The following SHMT2 variants were observed in gnomAD, a reference collection of about 807,000 sequenced individuals.
The protein encoded by SHMT2 is serine hydroxymethyltransferase, mitochondrial.
SHMT2 carries 38 observed loss-of-function variants against 59.6 expected under a neutral mutation model. The ratio of observed to expected loss-of-function variants is 0.64; its 90% CI spans 0.49 to 0.84. The LOEUF (loss-of-function observed/expected upper bound fraction) is 0.84. Ranked by LOEUF, SHMT2 falls within the 40% of genes least tolerant of loss-of-function variation. SHMT2 has a pLI of 0.00. For missense variants in SHMT2, 533 were observed against 659.5 expected, an observed-to-expected ratio of 0.81 and a Z score of 2.10; for synonymous variants, 254 against 258.1, an observed-to-expected ratio of 0.98 and a Z score of 0.15.
Position 57,231,501 on chromosome 12 carries a change from G to A in SHMT2, c.252G>A (p.Ala84=). ...IASENFCSRA[A]LEALGSCLNN... ...CCCAGAACTTCTGCAGCCGAGCTGC[G>A]CTGGAGGCCCTGGGGTCCTGTCTGA... Residue 84 remains alanine, a synonymous_variant, in exon 3 of 12, where the codon GCG becomes GCA. Coordinates refer to ENST00000328923, the MANE Select transcript of SHMT2 (RefSeq NM_005412.6). 1.9e-6 allele frequency: 3 copies of A among 1,614,200 alleles called. No homozygotes were observed. Among genetic ancestry groups the A allele is most frequent in the South Asian group, 1.1e-5 (1 of 91,082 alleles).
intron 4 of SHMT2, 85 bp from the exon 5 acceptor site, chr12:57,232,126 G>C: frequency 7.7e-7 from 1 of 1,305,572 alleles, no homozygotes; most frequent in Non-Finnish European, 1.1e-6. Context: ...TGGTGTTCTG[G>C]GGACAGAGAA....
Position 57,230,950 on chromosome 12 carries a change from C to T in SHMT2, c.181C>T (p.Gln61Ter), listed in dbSNP as rs1329038936. 1 of 1,613,898 alleles carries T rather than the reference C, an allele frequency of 6.2e-7. No individual in the cohort carries two copies. Among genetic ancestry groups the T allele is most frequent in the Non-Finnish European group, 8.5e-7 (1 of 1,180,008 alleles). ...TGATCCTGAGATGTGGGAGTTGCTG[C>T]AGAGGGAGAAGGACAGGCAGTGTCG... The part of the protein sequence containing the change: ...DSDPEMWELL[Q>*]REKDRQCRGL... Residue 61 changes from glutamine to a stop codon, truncating the protein, a stop_gained, in exon 2 of 12, where the codon CAG (glutamine) becomes TAG (stop). Transcript: ENST00000328923. LOFTEE classifies it high-confidence loss of function.
At chr12:57,231,077 CT>C in intron 2 of SHMT2, 77 bp downstream of exon 2, 1 of 1,398,662 alleles carries the variant, frequency 7.1e-7, no homozygotes, top group Non-Finnish European at 1.0e-6. Context: ...ACTGATATTT[CT>C]CCAAAACCCC....
rs2136783186 is a variant in SHMT2, at chr12:57,230,333, C to T, written c.34-470C>T. On this transcript the variant is annotated intron_variant, in intron 1 of 11. Coordinates refer to ENST00000328923, the MANE Select transcript of SHMT2 (RefSeq NM_005412.6). ...CTCCCACACAGCTCTTCCTCACGGA[C>T]TGCTAAAGGTCTCCCCTCCCACCTG... is the stretch of plus-strand genomic sequence containing the variant. 3 of 1,138,500 alleles carry T rather than the reference C, an allele frequency of 2.6e-6. 1 individual carries two copies. The highest frequency in any genetic ancestry group is 6.4e-4 in the Middle Eastern group (2 of 3,136). The allele number at this position is 1,138,500 out of a possible 1,614,324, so 70.5% of individuals were successfully genotyped here. A position where few individuals can be genotyped will look rare whatever the true frequency, so the allele number is the denominator to read the frequency against.
In SHMT2 at chr12:57,230,850, G is replaced by T. The variant is rs1165343011; in HGVS notation, c.81G>T (p.Gln27His). 1 of 1,614,036 alleles carries T rather than the reference G, an allele frequency of 6.2e-7. No homozygotes were observed. The highest frequency in any genetic ancestry group is 2.2e-5 in the East Asian group (1 of 44,894). Residue 27 changes from glutamine (Q) to histidine (H), a missense_variant, in exon 2 of 12, where the codon CAG (glutamine) becomes CAT (histidine). Physicochemically the swap from Gln to His is conservative, Grantham distance 24 (BLOSUM62 0). Transcript: ENST00000328923. ...GQLVRMAIRA[Q>H]HSNAAQTQTG... ...TGGTCAGGATGGCCATTCGGGCTCA[G>T]CACAGCAACGCAGCCCAGACTCAGA...
At chr12:57,233,023 A>T in intron 7 of SHMT2, 157 bp from the exon 8 acceptor site, 1 of 1,241,432 alleles carries the variant, frequency 8.1e-7, no homozygotes, top group Non-Finnish European at 1.1e-6. Context: ...GGATTTGTGG[A>T]TGGGATTGAG....
Position 57,229,751 on chromosome 12 carries a change from C to T in SHMT2, c.-28C>T, listed in dbSNP as rs1051943644. 3 of 1,614,082 alleles carry T rather than the reference C, an allele frequency of 1.9e-6. No individual in the cohort carries two copies. Among genetic ancestry groups the T allele is most frequent in the Admixed American group, 3.3e-5 (2 of 60,022 alleles). On this transcript the variant is annotated 5_prime_UTR_variant, in exon 1 of 12. Transcript: ENST00000328923. ...TGCTGCCCTAGACCAGAGTTGGTGG[C>T]TGGACCTCCTGCGACTTCCGAGTTG...
rs757010542 is a variant in SHMT2, at chr12:57,230,952, G to A, written c.183G>A (p.Gln61=). Residue 61 remains glutamine, a synonymous_variant, in exon 2 of 12, where the codon CAG becomes CAA. Transcript: ENST00000328923. ...ATCCTGAGATGTGGGAGTTGCTGCAGAGGGAGAAGGACAGGCAGTGTCGTG... is the reference window on the plus strand; with the variant it reads ...ATCCTGAGATGTGGGAGTTGCTGCAAAGGGAGAAGGACAGGCAGTGTCGTG... ...DSDPEMWELL[Q]REKDRQCRGL... is the part of the protein sequence containing the mutation. The A allele has an allele frequency of 6.2e-7, 1 of 1,613,842 alleles. No individual in the cohort carries two copies. The highest frequency in any genetic ancestry group is 8.5e-7 in the Non-Finnish European group (1 of 1,180,034).
In SHMT2 at chr12:57,232,629, G is replaced by A. The variant is rs189884111; in HGVS notation, c.717+54G>A. ...CCTCCCCAGGGGGTGGTGAGGAGGT[G>A]TGGGAGGAGGGCAGCCTTGGGCAGG... On this transcript the variant is annotated intron_variant, in intron 6 of 11. Coordinates refer to ENST00000328923, the MANE Select transcript of SHMT2 (RefSeq NM_005412.6). 6.8e-6 allele frequency: 11 copies of A among 1,612,662 alleles called. No homozygotes were observed. In the East Asian group the frequency reaches 1.3e-4, roughly 20 times the overall value.
intron 2 of SHMT2, 118 bp from the exon 3 acceptor site, chr12:57,231,363 G>A (rs2037309359): frequency 1.8e-6 from 2 of 1,097,838 alleles, no homozygotes; most frequent in Non-Finnish European, 2.6e-6. Context: ...GGTGCTGAGT[G>A]AATGGAGCTT....
chr12:57,230,202 C>CGCAGTG, intron 1 of SHMT2: 4 of 1,277,462 alleles, frequency 3.1e-6, no homozygotes, highest in Middle Eastern at 2.1e-4. Flanking sequence ...TTGCATCAGG[C>CGCAGTG]AGGGGTCCCG....
At chr12:57,231,607 A>T (rs200146345) in intron 3 of SHMT2, 47 bp downstream of exon 3, 4 of 1,611,152 alleles carry the variant, frequency 2.5e-6, no homozygotes, top group Admixed American at 3.3e-5. Context: ...CAGTGGGGGA[A>T]CCCACCTGTA....
In SHMT2 at chr12:57,234,306, A is replaced by T; in HGVS notation, c.1460A>T (p.Gln487Leu). ...ETSQRLANLR[Q>L]RVEQFARAFP... ...AGTCAGCGTCTGGCCAACCTCAGGC[A>T]ACGGGTGGAGCAGTTTGCCAGGGCC... The change falls in exon 12 of 12, where the codon CAA (glutamine) becomes CTA (leucine). Residue 487 changes from glutamine (Q) to leucine (L), a missense_variant. By Grantham distance (113) the Gln-to-Leu change is moderately radical. Coordinates refer to ENST00000328923, the MANE Select transcript of SHMT2 (RefSeq NM_005412.6). The T allele has an allele frequency of 6.2e-7, 1 of 1,613,720 alleles. No homozygotes were observed. The highest frequency in any genetic ancestry group is 8.5e-7 in the Non-Finnish European group (1 of 1,179,780).
intron 1 of SHMT2, chr12:57,230,239 G>C (rs1353857680): frequency 8.1e-7 from 1 of 1,232,572 alleles, no homozygotes; most frequent in Non-Finnish European, 1.0e-6. Flanking sequence ...GAAGGAGGTG[G>C]AACGGGTAGG....
chr12:57,229,996 C>A, intron 1 of SHMT2, 185 bp downstream of exon 1: 3 of 1,439,806 alleles, frequency 2.1e-6, no homozygotes, highest in Non-Finnish European at 2.7e-6. Context: ...TAACTGCGAG[C>A]CTGTCCTCAT....
At chr12:57,231,111 T>C in intron 2 of SHMT2, 111 bp downstream of exon 2, 1 of 1,054,930 alleles carries the variant, frequency 9.5e-7, no homozygotes, top group Non-Finnish European at 1.4e-6. Context: ...GGACCTTTCT[T>C]TGGGCTTTAT....
At chr12:57,234,191 C>G in intron 11 of SHMT2, 43 bp from the exon 12 acceptor site, 1 of 1,613,082 alleles carries the variant, frequency 6.2e-7, no homozygotes, top group Non-Finnish European at 8.5e-7. Flanking sequence ...TCACTGCCTT[C>G]CCTAGAGCTC....
intron 3 of SHMT2, 32 bp from the exon 4 acceptor site, chr12:57,231,681 T>C (rs1379719198): frequency 6.2e-7 from 1 of 1,613,264 alleles, no homozygotes; most frequent in Non-Finnish European, 8.5e-7. Context: ...GAGTCCTTTC[T>C]CTGTGCCCTC....
rs1193169705 is a variant in SHMT2 at position 57,229,752 on chromosome 12, T to C, written c.-27T>C. On this transcript the variant is annotated 5_prime_UTR_variant, in exon 1 of 12. Transcript: ENST00000328923. The stretch of plus-strand genomic sequence containing the variant: ...GCTGCCCTAGACCAGAGTTGGTGGC[T>C]GGACCTCCTGCGACTTCCGAGTTGC... The C allele has an allele frequency of 1.2e-6, 2 of 1,613,980 alleles. No homozygotes were observed. Among genetic ancestry groups the C allele is most frequent in the Non-Finnish European group, 1.7e-6 (2 of 1,179,922 alleles).
Sources: allele counts gnomAD v4.1 joint callset, GRCh38; gene constraint gnomAD v4.1.1; transcripts MANE v1.5; gene names NCBI Gene and HGNC (gene_info 2026-07-23, HGNC 2026-07-21).